MDM2: variants seen among roughly 807,000 people sequenced by gnomAD.
The protein encoded by MDM2 is E3 ubiquitin-protein ligase Mdm2.
In MDM2, 11 loss-of-function variants were observed where a neutral mutation model predicts 64.3. That is an observed-to-expected ratio of 0.17 (90% CI 0.11 to 0.28). MDM2 has a LOEUF of 0.28. Among genes scored for constraint, MDM2 ranks in the 10% least tolerant of loss-of-function variants. MDM2 has a pLI of 1.00. For missense variants in MDM2, 388 were observed against 577.1 expected (o/e 0.67, Z 3.36); for synonymous variants, 194 against 192.9 (o/e 1.01, Z -0.05).
chr12:68,808,914 T>A (rs1278640401), intron 1 of MDM2: 1 of 1,364,922 alleles, frequency 7.3e-7, no homozygotes, highest in Non-Finnish European at 9.4e-7. Context: ...CAGCTTTTCC[T>A]CTTGAGCTGG....
Position 68,842,272 on chromosome 12 carries a change from A to G in MDM2, c.*2423A>G, listed in dbSNP as rs1883833324. ...GAAAAAGGACTACGGAAAGTTCAGG[A>G]CATCAAAGAAGTCAGGCAAAACTCA... is the stretch of plus-strand genomic sequence containing the variant. On this transcript the variant is annotated 3_prime_UTR_variant, in exon 11 of 11. Coordinates refer to ENST00000258149, the MANE Select transcript of MDM2 (RefSeq NM_002392.6). 2.0e-6 allele frequency: 1 copy of G among 496,818 alleles called. No individual in the cohort carries two copies. The highest frequency in any genetic ancestry group is 4.0e-6 in the Non-Finnish European group (1 of 251,410). The allele number at this position is 496,818 out of a possible 1,614,324, so 30.8% of individuals were successfully genotyped here. A position where few individuals can be genotyped will look rare whatever the true frequency, so the allele number is the denominator to read the frequency against.
intron 8 of MDM2, among the ~76,000 whole-genome samples, chr12:68,831,317 A>G (rs1276147094): frequency 6.6e-6 from 1 of 152,190 alleles, no homozygotes; most frequent in Non-Finnish European, 1.5e-5. Context: ...AATACTAGCC[A>G]GTTTTATGTG....
rs1284725788 is a variant in MDM2 at position 68,835,912 on chromosome 12, A to G, written c.768A>G (p.Glu256=). The G allele has an allele frequency of 1.2e-6, 2 of 1,613,720 alleles. No individual in the cohort carries two copies. Among genetic ancestry groups the G allele is most frequent in the African/African-American group, 1.3e-5 (1 of 74,946 alleles). The change falls in exon 9 of 11, where the codon GAA becomes GAG. Residue 256 remains glutamate (E), a synonymous_variant. Transcript: ENST00000258149. ...SVSDQFSVEF[E]VESLDSEDYS... is the part of the protein sequence containing the mutation. ...CAGATCAGTTTAGTGTAGAATTTGA[A>G]GTTGAATCTCTCGACTCAGAAGATT...
At position 68,844,663 on chromosome 12, in the gene MDM2, A is replaced by C. The variant is rs1255204060; in HGVS notation, c.*4814A>C. The C allele has an allele frequency of 4.4e-6, 1 of 225,174 alleles. No individual in the cohort carries two copies. The highest frequency in any genetic ancestry group is 2.2e-5 in the African/African-American group (1 of 44,856). The allele number at this position is 225,174 out of a possible 1,614,324, so 13.9% of individuals were successfully genotyped here. A position where few individuals can be genotyped will look rare whatever the true frequency, so the allele number is the denominator to read the frequency against. ...TAAGTACATCAGAAAAAAACAAAAA[A>C]ACTGGCTTTAAAGCAGGAGCTTGTG... On this transcript the variant is annotated 3_prime_UTR_variant, in exon 11 of 11. Transcript: ENST00000258149.
downstream of MDM2, chr12:68,848,070 A>T (rs1884452705): frequency 6.6e-6 from 1 of 152,212 alleles, no homozygotes; most frequent in Admixed American, 6.5e-5. Context: ...CCAATGTTAC[A>T]ATGAGCTATG....
intron 4 of MDM2, 111 bp downstream of exon 4, chr12:68,817,056 A>G (rs773070021): frequency 1.6e-6 from 2 of 1,269,584 alleles, no homozygotes; most frequent in South Asian, 1.5e-5. Flanking sequence ...TATTAAAGAC[A>G]TGCTGAAACT....
chr12:68,808,296 G>T lies in MDM2; in HGVS notation c.-182G>T. The T allele has an allele frequency of 1.4e-6, 1 of 733,502 alleles. No homozygotes were observed. The highest frequency in any genetic ancestry group is 2.8e-5 in the East Asian group (1 of 35,560). 45.4% of individuals were successfully genotyped at this position (733,502 alleles called of 1,614,324 possible). ...GGGCGGCCGCGACCCCTCTGACCGAGATCCTGCTGCTTTCGCAGCCAGGAG... is the reference window on the plus strand; with the variant it reads ...GGGCGGCCGCGACCCCTCTGACCGATATCCTGCTGCTTTCGCAGCCAGGAG... On this transcript the variant is annotated 5_prime_UTR_variant, in exon 1 of 11. Coordinates refer to ENST00000258149, the MANE Select transcript of MDM2 (RefSeq NM_002392.6).
At position 68,840,565 on chromosome 12, in the gene MDM2, G is replaced by T. The variant is rs1418783814; in HGVS notation, c.*716G>T. ...GAGTCTCTCTGTCGCCCAGGCTGGAGTGCAGTGTCATGATCTAGCAGTCTC... is the reference window on the plus strand; with the variant it reads ...GAGTCTCTCTGTCGCCCAGGCTGGATTGCAGTGTCATGATCTAGCAGTCTC... On this transcript the variant is annotated 3_prime_UTR_variant, in exon 11 of 11. Coordinates refer to ENST00000258149, the MANE Select transcript of MDM2 (RefSeq NM_002392.6). 1.5e-5 allele frequency: 3 copies of T among 194,088 alleles called. No homozygotes were observed. Among genetic ancestry groups the T allele is most frequent in the Non-Finnish European group, 3.2e-5 (3 of 93,464 alleles). The allele number at this position is 194,088 out of a possible 1,614,324, so 12.0% of individuals were successfully genotyped here. A position where few individuals can be genotyped will look rare whatever the true frequency, so the allele number is the denominator to read the frequency against.
chr12:68,827,049 G>A (rs1882395299), intron 7 of MDM2, among the ~76,000 whole-genome samples: 1 of 152,212 alleles, frequency 6.6e-6, no homozygotes, highest in Non-Finnish European at 1.5e-5. Flanking sequence ...ACAGTGGTGG[G>A]CACCTGTAGT....
intron 5 of MDM2, among the ~76,000 whole-genome samples, chr12:68,823,738 C>A (rs1036561949): frequency 6.6e-6 from 1 of 152,156 alleles, no homozygotes; most frequent in Admixed American, 6.5e-5. Flanking sequence ...TTTCTGTGAG[C>A]TAGAAATCAG....
intron 2 of MDM2, among the ~76,000 whole-genome samples, chr12:68,810,594 T>C (rs949187334): frequency 2.0e-5 from 3 of 151,834 alleles, no homozygotes; most frequent in African/African-American, 7.3e-5. Context: ...CCCGAGTAGC[T>C]GGGACTACAG....
At chr12:68,823,938 G>A (rs1882084918) in intron 5 of MDM2, among the ~76,000 whole-genome samples, 1 of 152,112 alleles carries the variant, frequency 6.6e-6, no homozygotes, top group Non-Finnish European at 1.5e-5. Flanking sequence ...AACTGCTTGT[G>A]GTGTCCTGCA....
At position 68,839,557 on chromosome 12, in the gene MDM2, C is replaced by T. The variant is rs1293117772; in HGVS notation, c.1202C>T (p.Ser401Phe). ...CAATCACAAGAAAGTGAAGACTATT[C>T]TCAGCCATCAACTTCTAGTAGCATT... is the stretch of plus-strand genomic sequence containing the variant. ...ASQSQESEDY[S>F]QPSTSSSIIY... The change falls in exon 11 of 11, where the codon TCT (serine) becomes TTT (phenylalanine). Residue 401 changes from serine to phenylalanine, a missense_variant. Physicochemically the swap from Ser to Phe is radical, Grantham distance 155. Coordinates refer to ENST00000258149, the MANE Select transcript of MDM2 (RefSeq NM_002392.6). The T allele has an allele frequency of 1.2e-6, 2 of 1,613,638 alleles. No individual in the cohort carries two copies. Among genetic ancestry groups the T allele is most frequent in the Non-Finnish European group, 1.7e-6 (2 of 1,180,016 alleles).
Position 68,841,972 on chromosome 12 carries a change from G to A in MDM2, c.*2123G>A, listed in dbSNP as rs1455529925. ...GACCCATCTACCCTGACCACATCAT[G>A]ATGTTCATCTGCAGCTGTTGCAAGG... On this transcript the variant is annotated 3_prime_UTR_variant, in exon 11 of 11. Coordinates refer to ENST00000258149, the MANE Select transcript of MDM2 (RefSeq NM_002392.6). 1.2e-4 allele frequency: 45 copies of A among 386,930 alleles called. 1 individual carries two copies. The highest frequency in any genetic ancestry group is 1.0e-3 in the South Asian group (39 of 38,204). 24.0% of individuals were successfully genotyped at this position (386,930 alleles called of 1,614,324 possible).
intron 9 of MDM2, 188 bp from the exon 10 acceptor site, chr12:68,836,484 C>G: frequency 2.1e-6 from 1 of 475,498 alleles, no homozygotes; most frequent in Non-Finnish European, 3.8e-6. Flanking sequence ...TTGACTTTTA[C>G]CATTGTGGGT....
intron 5 of MDM2, among the ~76,000 whole-genome samples, chr12:68,824,012 G>A (rs1362224376): frequency 6.6e-6 from 1 of 152,078 alleles, no homozygotes; most frequent in Non-Finnish European, 1.5e-5. Context: ...GGTCTGGAAT[G>A]GCCTTTCCTA....
At chr12:68,819,698 T>G (rs1881687746) in intron 4 of MDM2, among the ~76,000 whole-genome samples, 1 of 152,036 alleles carries the variant, frequency 6.6e-6, no homozygotes, top group Non-Finnish European at 1.5e-5. Context: ...TCCATGTTGG[T>G]CAGGCTGGTC....
chr12:68,808,222 CTG>C lies in MDM2; in HGVS notation c.-251_-250del. 1 of 545,062 alleles carries C rather than the reference CTG, an allele frequency of 1.8e-6. No homozygotes were observed. The highest frequency in any genetic ancestry group is 2.2e-5 in the South Asian group (1 of 44,448). 33.8% of individuals were successfully genotyped at this position (545,062 alleles called of 1,614,324 possible). ...CGGCGAGCTTGGCTGCTTCTGGGGCCTGTGTGGCCCTGTGTGTCGGAAAGATG... is the reference window on the plus strand; with the variant it reads ...CGGCGAGCTTGGCTGCTTCTGGGGCCTGTGGCCCTGTGTGTCGGAAAGATG... On this transcript the variant is annotated 5_prime_UTR_variant, in exon 1 of 11. Transcript: ENST00000258149.
chr12:68,841,877 C>T lies in MDM2; in HGVS notation c.*2028C>T, dbSNP rs1197536453. ...GAATTCCAAGATACCTCTTGACTTC[C>T]TCTCAAGCTCCGTGTTTGGTCAGTG... On this transcript the variant is annotated 3_prime_UTR_variant, in exon 11 of 11. Coordinates refer to ENST00000258149, the MANE Select transcript of MDM2 (RefSeq NM_002392.6). 9.2e-6 allele frequency: 2 copies of T among 218,228 alleles called. No homozygotes were observed. The highest frequency in any genetic ancestry group is 1.9e-5 in the Non-Finnish European group (2 of 107,270). The allele number at this position is 218,228 out of a possible 1,614,324, so 13.5% of individuals were successfully genotyped here. A position where few individuals can be genotyped will look rare whatever the true frequency, so the allele number is the denominator to read the frequency against.
Sources: allele counts gnomAD v4.1 joint callset (sites outside exome capture counted in the v4.1 genomes callset), GRCh38; gene constraint gnomAD v4.1.1; transcripts MANE v1.5; gene names NCBI Gene and HGNC (gene_info 2026-07-23, HGNC 2026-07-21).